FARSB: variants seen among roughly 807,000 people sequenced by gnomAD.
FARSB encodes the protein phenylalanine--tRNA ligase beta subunit.
Under a neutral mutation model 69.6 loss-of-function variants are expected in FARSB, and 40 were observed. The observed-to-expected ratio is 0.57, with a 90% CI of 0.45 to 0.75. The LOEUF is 0.75. FARSB is among the 30% of genes least tolerant of loss of function. The probability of loss-of-function intolerance (pLI) is 0.00; values close to 1 mark genes in which losing one functional copy is unlikely to be tolerated. For missense variants in FARSB, 632 were observed against 722.9 expected (o/e 0.87, Z 1.44); for synonymous variants, 235 against 247.2 (o/e 0.95, Z 0.46).
chr2:222,624,482 GA>G lies in FARSB; in HGVS notation c.963-4del. On this transcript the variant is annotated splice_polypyrimidine_tract_variant and splice_region_variant and intron_variant, in intron 11 of 16. Transcript: ENST00000281828. ...TGGCAAGATTTTCTGGAGTTTCTCT[GA>G]AAAAGGAATGAACAAACCATAAACT... The G allele has an allele frequency of 1.3e-6, 2 of 1,596,852 alleles. No homozygotes were observed. The highest frequency in any genetic ancestry group is 1.7e-6 in the Non-Finnish European group (2 of 1,164,928).
At chr2:222,615,548 A>T (rs780318787) in intron 14 of FARSB, among the ~76,000 whole-genome samples, 2 of 152,176 alleles carry the variant, frequency 1.3e-5, no homozygotes, top group Non-Finnish European at 2.9e-5. Context: ...CTGGTCAGCA[A>T]GATTTCCATC....
In FARSB at chr2:222,634,410, T is replaced by C. The variant is rs774502450; in HGVS notation, c.587A>G (p.Glu196Gly). 16 of 1,601,114 alleles carry C rather than the reference T, an allele frequency of 1.0e-5. No homozygotes were observed. Among genetic ancestry groups the C allele is most frequent in the East Asian group, 9.0e-5 (4 of 44,580 alleles). The change falls in exon 6 of 17, where the codon GAA (glutamate) becomes GGA (glycine). Residue 196 changes from glutamate (E) to glycine (G), a missense_variant. Transcript: ENST00000281828. The stretch of plus-strand genomic sequence containing the variant: ...ATTTACCTTGTATATGTTCATCAGT[T>C]CACAGGCTGTATACTCCTTGGTCTT... The part of the protein sequence containing the change: ...LNKTKEYTAC[E>G]LMNIYKTDNH...
intron 1 of FARSB, among the ~76,000 whole-genome samples, chr2:222,651,940 C>T (rs562650432): frequency 6.6e-6 from 1 of 152,304 alleles, no homozygotes; most frequent in East Asian, 1.9e-4. Flanking sequence ...GAGAATTATT[C>T]CAGGCCTTCA....
chr2:222,597,822 T>A (rs143827379), intron 16 of FARSB, among the ~76,000 whole-genome samples: 66 of 152,276 alleles, frequency 4.3e-4, no homozygotes, highest in Non-Finnish European at 8.1e-4. Context: ...CCACCCAACC[T>A]ACATATTGCT....
intron 3 of FARSB, among the ~76,000 whole-genome samples, chr2:222,642,104 C>T (rs112617181): frequency 0.053 from 7,980 of 151,650 alleles, 386 homozygotes; most frequent in African/African-American, 0.13. Context: ...CAGGTTCAAA[C>T]GATTCTGTGC....
chr2:222,609,085 A>T (rs1690777294), intron 15 of FARSB, among the ~76,000 whole-genome samples: 1 of 152,308 alleles, frequency 6.6e-6, no homozygotes, highest in Admixed American at 6.5e-5. Flanking sequence ...TTTACACTTA[A>T]ACTCACTCAA....
chr2:222,582,429 TA>T (rs1302297533), intron 16 of FARSB, among the ~76,000 whole-genome samples: 18 of 152,144 alleles, frequency 1.2e-4, no homozygotes, highest in Non-Finnish European at 2.2e-4. Context: ...TGAAAACTAA[TA>T]AAAATCATAA....
rs374477195 is a variant in FARSB at position 222,631,664 on chromosome 2, G to T, written c.726C>A (p.Ser242=). 4 of 1,554,654 alleles carry T rather than the reference G, an allele frequency of 2.6e-6. No homozygotes were observed. The highest frequency in any genetic ancestry group is 3.5e-6 in the Non-Finnish European group (4 of 1,126,876). ...TATTTCTAGTATTTACTGTTATTCT[G>T]GAATGATCCCCTGCAATGAACACAA... is the stretch of plus-strand genomic sequence containing the variant. ...SMPPIINGDH[S]RITVNTRNIF... Residue 242 remains serine (S), a synonymous_variant, in exon 8 of 17, where the codon TCC becomes TCA. Coordinates refer to ENST00000281828, the MANE Select transcript of FARSB (RefSeq NM_005687.5).
At chr2:222,582,392 G>A (rs969494332) in intron 16 of FARSB, among the ~76,000 whole-genome samples, 1 of 152,158 alleles carries the variant, frequency 6.6e-6, no homozygotes, top group African/African-American at 2.4e-5. Context: ...ACACAGGTGT[G>A]TGCACACATA....
At chr2:222,597,838 A>C (rs1690459603) in intron 16 of FARSB, among the ~76,000 whole-genome samples, 1 of 152,192 alleles carries the variant, frequency 6.6e-6, no homozygotes, top group Non-Finnish European at 1.5e-5. Flanking sequence ...TTGCTGCTAA[A>C]TTAATCCTTT....
intron 1 of FARSB, among the ~76,000 whole-genome samples, chr2:222,654,779 T>C (rs568384111): frequency 6.6e-6 from 1 of 152,310 alleles, no homozygotes; most frequent in Non-Finnish European, 1.5e-5. Context: ...ACTGTAACAG[T>C]AATCTTATTC....
chr2:222,596,544 A>C (rs768643024), intron 16 of FARSB, among the ~76,000 whole-genome samples: 16 of 152,218 alleles, frequency 1.1e-4, no homozygotes, highest in Admixed American at 3.9e-4. Flanking sequence ...AAAGTAAGCC[A>C]TATGCCAGAG....
At chr2:222,613,374 G>A (rs1397345773) in intron 15 of FARSB, among the ~76,000 whole-genome samples, 4 of 152,182 alleles carry the variant, frequency 2.6e-5, no homozygotes, top group East Asian at 1.9e-4. Flanking sequence ...GTGAAACACC[G>A]TCTCTACTAA....
In FARSB at chr2:222,571,711, T is replaced by C. The variant is rs999466574; in HGVS notation, c.*160A>G. ...GTATATGGCACAAGCTGGCCTAATATGCAGGGAAAGGATGGTCTCTACCCA... is the reference window on the plus strand; with the variant it reads ...GTATATGGCACAAGCTGGCCTAATACGCAGGGAAAGGATGGTCTCTACCCA... On this transcript the variant is annotated 3_prime_UTR_variant, in exon 17 of 17. Transcript: ENST00000281828. 3 of 618,268 alleles carry C rather than the reference T, an allele frequency of 4.9e-6. No homozygotes were observed. In the East Asian group the frequency reaches 9.2e-5, roughly 19 times the overall value. 38.3% of individuals were successfully genotyped at this position (618,268 alleles called of 1,614,324 possible).
Position 222,571,534 on chromosome 2 carries a change from T to A in FARSB, c.*337A>T, listed in dbSNP as rs1689716737. The A allele has an allele frequency of 1.1e-5, 2 of 178,182 alleles. No homozygotes were observed. Among genetic ancestry groups the A allele is most frequent in the South Asian group, 3.9e-4 (2 of 5,096 alleles). The allele number at this position is 178,182 out of a possible 1,614,324, so 11.0% of individuals were successfully genotyped here. On this transcript the variant is annotated 3_prime_UTR_variant, in exon 17 of 17. Transcript: ENST00000281828. ...AATAAGGAAAGAAATGGGATCTTGT[T>A]ATGCAGGAGTAATCCGTTCCAATGT... is the stretch of plus-strand genomic sequence containing the variant.
In FARSB at chr2:222,633,300, TTGTC is replaced by T; in HGVS notation, c.610_613del (p.Asp204IlefsTer3). ...GATATGTAAATAATGTTTCAGGTGA[TTGTC>T]AGTCTGAAAACAAATTAAGTCAAAT... On this transcript the variant is annotated frameshift_variant, in exon 7 of 17. Coordinates refer to ENST00000281828, the MANE Select transcript of FARSB (RefSeq NM_005687.5). LOFTEE classifies it high-confidence loss of function. The T allele has an allele frequency of 1.3e-6, 2 of 1,492,706 alleles. No individual in the cohort carries two copies. The highest frequency in any genetic ancestry group is 1.8e-6 in the Non-Finnish European group (2 of 1,086,106). The allele number at this position is 1,492,706 out of a possible 1,614,324, so 92.5% of individuals were successfully genotyped here.
intron 2 of FARSB, among the ~76,000 whole-genome samples, chr2:222,643,999 AC>A (rs1228051361): frequency 6.6e-6 from 1 of 152,240 alleles, no homozygotes; most frequent in Non-Finnish European, 1.5e-5. Flanking sequence ...TGTTAATGTT[AC>A]GCTTTAATTA....
chr2:222,592,133 T>C (rs61167947), intron 16 of FARSB, among the ~76,000 whole-genome samples: 22,263 of 152,196 alleles, frequency 0.15, 2,553 homozygotes, highest in East Asian at 0.56. Flanking sequence ...CAAATGGCAA[T>C]GGTTTAAACA....
At chr2:222,602,386 T>C (rs1690585378) in intron 15 of FARSB, among the ~76,000 whole-genome samples, 1 of 152,080 alleles carries the variant, frequency 6.6e-6, no homozygotes, top group Non-Finnish European at 1.5e-5. Flanking sequence ...CATAAATGGA[T>C]TCTAAAGTTC....
Sources: allele counts gnomAD v4.1 joint callset (sites outside exome capture counted in the v4.1 genomes callset), GRCh38; gene constraint gnomAD v4.1.1; transcripts MANE v1.5; gene names NCBI Gene and HGNC (gene_info 2026-07-23, HGNC 2026-07-21).